Variants in BTBD9 observed in about 807,000 individuals in gnomAD.
BTBD9 encodes BTB domain containing 9.
BTBD9 carries 49 observed loss-of-function variants against 64.3 expected under a neutral mutation model. The ratio of observed to expected loss-of-function variants is 0.76; its 90% CI spans 0.61 to 0.97. BTBD9 has a LOEUF of 0.97. BTBD9 is among the 50% of genes least tolerant of loss of function. The pLI, the probability that BTBD9 is intolerant of heterozygous loss-of-function variation, is 0.00. For missense variants in BTBD9, 598 were observed against 762.1 expected (o/e 0.78, Z 2.53); for synonymous variants, 260 against 274.7 (o/e 0.95, Z 0.53).
At chr6:38,526,030 A>G (rs1023118497) in intron 6 of BTBD9, among the ~76,000 whole-genome samples, 1 of 152,240 alleles carries the variant, frequency 6.6e-6, no homozygotes, top group Non-Finnish European at 1.5e-5. Context: ...AAATGTTAAT[A>G]GCCAAAACAA....
intron 6 of BTBD9, among the ~76,000 whole-genome samples, chr6:38,556,550 T>TGTGTGTGA (rs1265472313): frequency 4.9e-5 from 3 of 61,610 alleles, no homozygotes; most frequent in Non-Finnish European, 1.1e-4. Context: ...TGTGTGTGTG[T>TGTGTGTGA]GAGAGAGAGA....
chr6:38,549,649 GAC>G, intron 6 of BTBD9, among the ~76,000 whole-genome samples: 2 of 152,186 alleles, frequency 1.3e-5, no homozygotes, highest in South Asian at 2.1e-4. Context: ...CCAGACAGTT[GAC>G]ACCAGAAGTG....
At chr6:38,453,220 A>G (rs1769639142) in intron 6 of BTBD9, among the ~76,000 whole-genome samples, 1 of 152,206 alleles carries the variant, frequency 6.6e-6, no homozygotes, top group South Asian at 2.1e-4. Flanking sequence ...AGAATTTGAA[A>G]AGGAACAGAA....
At chr6:38,191,409 T>G (rs1762065840) in intron 10 of BTBD9, among the ~76,000 whole-genome samples, 1 of 152,198 alleles carries the variant, frequency 6.6e-6, no homozygotes, top group Non-Finnish European at 1.5e-5. Flanking sequence ...AGAAGCCCTG[T>G]GTTCATAAAG....
At chr6:38,267,312 G>A (rs960299271) in intron 8 of BTBD9, among the ~76,000 whole-genome samples, 1 of 152,212 alleles carries the variant, frequency 6.6e-6, no homozygotes, top group South Asian at 2.1e-4. Context: ...TTAGGAGGGC[G>A]ATAAGAACAG....
chr6:38,263,816 T>C (rs1764875135), intron 8 of BTBD9, among the ~76,000 whole-genome samples: 2 of 152,218 alleles, frequency 1.3e-5, no homozygotes, highest in South Asian at 4.1e-4. Context: ...TAAATAAAGT[T>C]ACCATTTGCG....
At chr6:38,374,232 G>A (rs890534972) in intron 6 of BTBD9, among the ~76,000 whole-genome samples, 4 of 135,234 alleles carry the variant, frequency 3.0e-5, no homozygotes, top group Non-Finnish European at 6.3e-5. Context: ...CTGTGCCACC[G>A]TACTCCAGCC....
At chr6:38,379,572 T>C (rs1442812920) in intron 6 of BTBD9, among the ~76,000 whole-genome samples, 1 of 152,040 alleles carries the variant, frequency 6.6e-6, no homozygotes, top group Non-Finnish European at 1.5e-5. Flanking sequence ...TGCATAAGGC[T>C]GAGAAAGCAA....
rs9357276 is a variant in BTBD9 at position 38,471,238 on chromosome 6, C to T, written c.1154+106362G>A. Among the ~76,000 whole-genome samples the T allele has an allele frequency of 5.2e-3, 787 of 152,260 alleles. 53 individuals carry two copies. The East Asian group carries it at 0.13, about 26-fold the overall frequency. On this transcript the variant is annotated intron_variant, in intron 6 of 10. Coordinates refer to ENST00000481247, the MANE Select transcript of BTBD9 (RefSeq NM_001099272.2). Reference sequence around the variant, plus strand: ...GCTCAGCTCTGGGTGACCTAACTGGCAACTAACATCAGTCTATTTTTAAGG... The same window carrying T: ...GCTCAGCTCTGGGTGACCTAACTGGTAACTAACATCAGTCTATTTTTAAGG...
intron 7 of BTBD9, among the ~76,000 whole-genome samples, chr6:38,344,141 G>A (rs959640409): frequency 4.6e-5 from 7 of 152,098 alleles, no homozygotes; most frequent in Non-Finnish European, 8.8e-5. Context: ...ACAGAATCAA[G>A]GAGCTAATTG....
At chr6:38,509,777 G>A (rs1395528280) in intron 6 of BTBD9, among the ~76,000 whole-genome samples, 1 of 152,174 alleles carries the variant, frequency 6.6e-6, no homozygotes, top group Non-Finnish European at 1.5e-5. Context: ...AGCAGCCTCA[G>A]TATATATTTG....
At chr6:38,206,859 G>C (rs921368772) in intron 9 of BTBD9, among the ~76,000 whole-genome samples, 3 of 152,022 alleles carry the variant, frequency 2.0e-5, no homozygotes, top group Admixed American at 2.0e-4. Context: ...AAAAAAAGAA[G>C]TCTAAAAGAG....
chr6:38,334,630 A>ATAACATAACATAAC (rs1562039912), intron 7 of BTBD9, among the ~76,000 whole-genome samples: 1 of 130,904 alleles, frequency 7.6e-6, no homozygotes, highest in African/African-American at 3.8e-5. Context: ...CATAACATAA[A>ATAACATAACATAAC]ATAAATAAAA....
intron 8 of BTBD9, 104 bp downstream of exon 8, chr6:38,288,168 T>C: frequency 1.7e-6 from 2 of 1,188,636 alleles, no homozygotes; most frequent in South Asian, 1.5e-5. Context: ...CAAAGAACAG[T>C]AGAATTTCTT....
chr6:38,580,512 T>C, intron 4 of BTBD9, 75 bp from the exon 5 acceptor site: 1 of 1,281,138 alleles, frequency 7.8e-7, no homozygotes, highest in Non-Finnish European at 1.1e-6. Flanking sequence ...AATACAATTC[T>C]AGCATTCCAG....
intron 6 of BTBD9, among the ~76,000 whole-genome samples, chr6:38,355,969 A>G (rs4573069): frequency 0.32 from 48,172 of 152,062 alleles, 7,869 homozygotes; most frequent in Non-Finnish European, 0.34. Flanking sequence ...TGGGTACAGA[A>G]TCTCAAGTTG....
chr6:38,402,538 T>C (rs1295785686), intron 6 of BTBD9, among the ~76,000 whole-genome samples: 1 of 152,178 alleles, frequency 6.6e-6, no homozygotes, highest in Non-Finnish European at 1.5e-5. Flanking sequence ...CATACATCTA[T>C]GGCCAACTGA....
chr6:38,200,766 T>C (rs571543135), intron 9 of BTBD9, among the ~76,000 whole-genome samples: 1 of 152,154 alleles, frequency 6.6e-6, no homozygotes, highest in African/African-American at 2.4e-5. Context: ...ATGGAATCCA[T>C]AACAAAAAGT....
chr6:38,479,673 C>T (rs892838585), intron 6 of BTBD9, among the ~76,000 whole-genome samples: 2 of 152,198 alleles, frequency 1.3e-5, no homozygotes, highest in African/African-American at 4.8e-5. Context: ...AGAACAACAA[C>T]TTTCACTTCA....
Sources: allele counts gnomAD v4.1 joint callset (sites outside exome capture counted in the v4.1 genomes callset), GRCh38; gene constraint gnomAD v4.1.1; transcripts MANE v1.5; gene names NCBI Gene and HGNC (gene_info 2026-07-23, HGNC 2026-07-21).